The following KCND2 variants were observed in gnomAD, a reference collection of about 807,000 sequenced individuals.
The protein encoded by KCND2 is potassium voltage-gated channel subfamily D member 2.
KCND2 carries 16 observed loss-of-function variants against 54.4 expected under a neutral mutation model. That is an observed-to-expected ratio of 0.29 (90% CI 0.20 to 0.45). KCND2 has a LOEUF of 0.45. KCND2 is among the 20% of genes least tolerant of loss of function. The pLI is 1.00. For missense variants in KCND2, 486 were observed against 824.2 expected, an observed-to-expected ratio of 0.59 and a Z score of 5.02; for synonymous variants, 317 against 310.7, an observed-to-expected ratio of 1.02 and a Z score of -0.21.
At chr7:120,409,640 TTA>T (rs1801418930) in intron 1 of KCND2, among the ~76,000 whole-genome samples, 1 of 151,974 alleles carries the variant, frequency 6.6e-6, no homozygotes, top group Non-Finnish European at 1.5e-5. Flanking sequence ...TCTCTTATGA[TTA>T]AAAAATGTAA....
At chr7:120,694,396 G>A (rs973799744) in intron 1 of KCND2, among the ~76,000 whole-genome samples, 2 of 152,042 alleles carry the variant, frequency 1.3e-5, no homozygotes, top group Non-Finnish European at 1.5e-5. Context: ...AATTAAGACA[G>A]GCACAATCCA....
chr7:120,327,005 A>T (rs1478016479), intron 1 of KCND2, among the ~76,000 whole-genome samples: 1 of 151,758 alleles, frequency 6.6e-6, no homozygotes, highest in Non-Finnish European at 1.5e-5. Flanking sequence ...TTGTTAAGTG[A>T]TGAGGAAAAA....
At chr7:120,448,284 G>T (rs1222636490) in intron 1 of KCND2, among the ~76,000 whole-genome samples, 1 of 151,596 alleles carries the variant, frequency 6.6e-6, no homozygotes, top group Non-Finnish European at 1.5e-5. Context: ...GCAGTGTTTG[G>T]TTTTCTGTCC....
At chr7:120,364,222 G>T (rs1173877551) in intron 1 of KCND2, among the ~76,000 whole-genome samples, 1 of 152,054 alleles carries the variant, frequency 6.6e-6, no homozygotes, top group African/African-American at 2.4e-5. Flanking sequence ...CATCAATTTT[G>T]TACTTTGTTT....
At chr7:120,533,726 G>A (rs1196783347) in intron 1 of KCND2, among the ~76,000 whole-genome samples, 3 of 152,122 alleles carry the variant, frequency 2.0e-5, no homozygotes, top group East Asian at 1.9e-4. Context: ...GATGCCCTCC[G>A]TCTTGACACA....
intron 1 of KCND2, among the ~76,000 whole-genome samples, chr7:120,355,407 C>T (rs1369534736): frequency 1.3e-5 from 2 of 152,028 alleles, no homozygotes; most frequent in Non-Finnish European, 2.9e-5. Flanking sequence ...ATTAGCTGGG[C>T]GTGCTGGTGT....
At chr7:120,467,630 T>C (rs1315618550) in intron 1 of KCND2, among the ~76,000 whole-genome samples, 3 of 152,142 alleles carry the variant, frequency 2.0e-5, no homozygotes, top group Non-Finnish European at 4.4e-5. Flanking sequence ...GCTACCAATC[T>C]CTTGTTTGAA....
intron 1 of KCND2, among the ~76,000 whole-genome samples, chr7:120,374,596 A>G (rs1486077634): frequency 6.6e-6 from 1 of 151,748 alleles, no homozygotes; most frequent in Non-Finnish European, 1.5e-5. Flanking sequence ...TTTGATCTTA[A>G]TTAAGAGACT....
chr7:120,438,606 G>A (rs1801903010), intron 1 of KCND2, among the ~76,000 whole-genome samples: 1 of 151,994 alleles, frequency 6.6e-6, no homozygotes, highest in Non-Finnish European at 1.5e-5. Flanking sequence ...GGTCTTTTTT[G>A]TGGCTGCTTC....
At position 120,748,265 on chromosome 7, in the gene KCND2, T is replaced by G. The variant is rs528261670; in HGVS notation, c.*407T>G. On this transcript the variant is annotated 3_prime_UTR_variant, in exon 6 of 6. Coordinates refer to ENST00000331113, the MANE Select transcript of KCND2 (RefSeq NM_012281.3). ...TTAAAACCATGAACATTGGCTATGA[T>G]GAAGATTATTACATATGAAAAAAAA... 6.0e-6 allele frequency: 1 copy of G among 166,002 alleles called. No individual in the cohort carries two copies. The highest frequency in any genetic ancestry group is 6.0e-5 in the Admixed American group (1 of 16,686). The allele number at this position is 166,002 out of a possible 1,614,324, so 10.3% of individuals were successfully genotyped here.
At chr7:120,445,954 T>A (rs1802012654) in intron 1 of KCND2, among the ~76,000 whole-genome samples, 1 of 152,164 alleles carries the variant, frequency 6.6e-6, no homozygotes, top group South Asian at 2.1e-4. Flanking sequence ...GACCATTTAT[T>A]ATGAAATTTT....
intron 1 of KCND2, among the ~76,000 whole-genome samples, chr7:120,514,373 G>A (rs867909722): frequency 2.0e-5 from 3 of 152,018 alleles, no homozygotes; most frequent in Non-Finnish European, 2.9e-5. Flanking sequence ...AGAAGTCATC[G>A]TTCAGGTTTC....
At chr7:120,614,258 C>T (rs1792994078) in intron 1 of KCND2, among the ~76,000 whole-genome samples, 1 of 152,196 alleles carries the variant, frequency 6.6e-6, no homozygotes, top group South Asian at 2.1e-4. Context: ...GGTGAGCCGC[C>T]CTCCTTGGCC....
chr7:120,344,738 G>A (rs574215656), intron 1 of KCND2, among the ~76,000 whole-genome samples: 22 of 152,116 alleles, frequency 1.4e-4, no homozygotes, highest in African/African-American at 3.6e-4. Flanking sequence ...TCTTTCTTTC[G>A]TCTTCACAGT....
chr7:120,420,855 C>G (rs1463745367), intron 1 of KCND2, among the ~76,000 whole-genome samples: 1 of 151,992 alleles, frequency 6.6e-6, no homozygotes, highest in Admixed American at 6.6e-5. Flanking sequence ...CATCAGAATC[C>G]CGCATTATTA....
At chr7:120,624,796 G>T (rs954316616) in intron 1 of KCND2, among the ~76,000 whole-genome samples, 2 of 148,928 alleles carry the variant, frequency 1.3e-5, no homozygotes, top group Admixed American at 1.3e-4. Flanking sequence ...AAAAAAAAAT[G>T]GTGGTGGGAG....
chr7:120,276,114 C>A (rs1799170091), intron 1 of KCND2, among the ~76,000 whole-genome samples: 1 of 151,976 alleles, frequency 6.6e-6, no homozygotes, highest in Non-Finnish European at 1.5e-5. Context: ...ATTGAAATGT[C>A]TATAAAGTGG....
chr7:120,740,397 T>C lies in KCND2; in HGVS notation c.1279-1137T>C, dbSNP rs142951301. Among the ~76,000 whole-genome samples the C allele has an allele frequency of 3.7e-3, 564 of 152,138 alleles. 2 individuals are homozygous for C. The highest frequency in any genetic ancestry group is 0.013 in the African/African-American group (545 of 41,528). ...AGACTAAAGATAGTATTTTTCTAGG[T>C]TGTTTAGAAGGGAAAAAGAAGAAGT... On this transcript the variant is annotated intron_variant, in intron 2 of 5. Transcript: ENST00000331113.
intron 1 of KCND2, among the ~76,000 whole-genome samples, chr7:120,492,774 C>T (rs555816000): frequency 6.6e-6 from 1 of 152,152 alleles, no homozygotes; most frequent in East Asian, 1.9e-4. Flanking sequence ...GCCTAGCGTG[C>T]CATAAATATG....
Sources: allele counts gnomAD v4.1 joint callset (sites outside exome capture counted in the v4.1 genomes callset), GRCh38; gene constraint gnomAD v4.1.1; transcripts MANE v1.5; gene names NCBI Gene and HGNC (gene_info 2026-07-23, HGNC 2026-07-21).